The following SPO11 variants were observed in gnomAD, a reference collection of about 807,000 sequenced individuals.
The protein encoded by SPO11 is meiotic recombination protein SPO11.
Under a neutral mutation model 51.6 loss-of-function variants are expected in SPO11, and 49 were observed. The observed-to-expected ratio is 0.95, with a 90% CI of 0.75 to 1.20. The LOEUF is 1.20. Among genes scored for constraint, SPO11 ranks in the 50% most tolerant of loss-of-function variants. SPO11 has a pLI of 0.00. For missense variants in SPO11, 431 were observed against 473.4 expected, an observed-to-expected ratio of 0.91 and a Z score of 0.83; for synonymous variants, 176 against 158.2, an observed-to-expected ratio of 1.11 and a Z score of -0.84.
intron 9 of SPO11, among the ~76,000 whole-genome samples, chr20:57,338,697 G>A (rs28368091): frequency 8.6e-4 from 130 of 151,982 alleles, no homozygotes; most frequent in African/African-American, 3.0e-3. Context: ...TGCCCACCTC[G>A]GCATCCCAAA....
intron 5 of SPO11, 137 bp from the exon 6 acceptor site, chr20:57,334,613 C>G (rs2066489358): frequency 1.6e-6 from 1 of 612,084 alleles, no homozygotes; most frequent in Non-Finnish European, 2.8e-6. Flanking sequence ...AAATCCCTTA[C>G]ATATTTTCTC....
At chr20:57,333,106 G>A in intron 2 of SPO11, 82 bp from the exon 3 acceptor site, 1 of 994,518 alleles carries the variant, frequency 1.0e-6, no homozygotes, top group Non-Finnish European at 1.5e-6. Flanking sequence ...TAAATGATGT[G>A]CAGAAGACCA....
chr20:57,332,523 A>G (rs921937531), intron 2 of SPO11, among the ~76,000 whole-genome samples: 3 of 152,202 alleles, frequency 2.0e-5, no homozygotes, highest in African/African-American at 7.2e-5. Flanking sequence ...CATATTTTTT[A>G]AGAGATACAG....
intron 8 of SPO11, 89 bp downstream of exon 8, chr20:57,335,996 G>A: frequency 1.4e-6 from 1 of 725,852 alleles, no homozygotes; most frequent in Non-Finnish European, 2.3e-6. Flanking sequence ...TCTACACAAT[G>A]TCCTGTTTTC....
rs1174006468 is a variant in SPO11, at chr20:57,343,482, G to T, written c.*22G>T. On this transcript the variant is annotated 3_prime_UTR_variant, in exon 13 of 13. Coordinates refer to ENST00000371263, the MANE Select transcript of SPO11 (RefSeq NM_012444.3). ...ATAAAAATAAATCAGAAGAACTTCT[G>T]ATTGCCAGAGGCTTTTCATTAGTTT... 2 of 1,580,498 alleles carry T rather than the reference G, an allele frequency of 1.3e-6. No homozygotes were observed. The highest frequency in any genetic ancestry group is 1.2e-5 in the South Asian group (1 of 83,806).
At chr20:57,333,399 A>G (rs2066472835) in intron 3 of SPO11, 123 bp downstream of exon 3, 1 of 680,100 alleles carries the variant, frequency 1.5e-6, no homozygotes, top group Non-Finnish European at 2.4e-6. Flanking sequence ...CATACATAAA[A>G]TAAATTTCTA....
chr20:57,341,283 C>CT (rs2066578573), intron 11 of SPO11, among the ~76,000 whole-genome samples: 1 of 152,178 alleles, frequency 6.6e-6, no homozygotes, highest in African/African-American at 2.4e-5. Flanking sequence ...AACTAAATCT[C>CT]TATGCACATC....
intron 8 of SPO11, chr20:57,337,621 G>T (rs1361315227): frequency 1.7e-6 from 1 of 604,110 alleles, no homozygotes; most frequent in Non-Finnish European, 2.6e-6. Flanking sequence ...CTTTAAATAT[G>T]TAGGATGTTT....
chr20:57,333,616 C>T (rs6123690), intron 3 of SPO11, 71 bp from the exon 4 acceptor site: 1 of 852,068 alleles, frequency 1.2e-6, no homozygotes, highest in African/African-American at 1.7e-5. Context: ...AGTTAAAATC[C>T]TTGATAGCAG....
intron 10 of SPO11, among the ~76,000 whole-genome samples, 182 bp from the exon 11 acceptor site, chr20:57,339,920 C>T (rs531187679): frequency 6.6e-6 from 1 of 152,270 alleles, no homozygotes; most frequent in East Asian, 1.9e-4. Flanking sequence ...AGTTTTAACA[C>T]CTTCACTAAA....
At position 57,334,006 on chromosome 20, in the gene SPO11, A is replaced by G. The variant is rs1201043109; in HGVS notation, c.421A>G (p.Ser141Gly). 6.3e-7 allele frequency: 1 copy of G among 1,574,914 alleles called. No individual in the cohort carries two copies. Among genetic ancestry groups the G allele is most frequent in the African/African-American group, 1.4e-5 (1 of 73,384 alleles). The change falls in exon 5 of 13, where the codon AGT becomes GGT. Residue 141 changes from serine (S) to glycine (G), a missense_variant. Physicochemically the swap from Ser to Gly is moderately conservative, Grantham distance 56. Coordinates refer to ENST00000371263, the MANE Select transcript of SPO11 (RefSeq NM_012444.3). ...ATKRDIYYTD[S>G]QLFGNQTVVD... is the part of the protein sequence containing the mutation. ...TCATAGGGACATATATTACACTGAC[A>G]GTCAACTCTTTGGTAACCAGACTGT...
At chr20:57,335,671 T>A (rs1429624983) in intron 7 of SPO11, 127 bp from the exon 8 acceptor site, 1 of 698,374 alleles carries the variant, frequency 1.4e-6, no homozygotes, top group Non-Finnish European at 2.4e-6. Flanking sequence ...TGTGTTTATA[T>A]GTTTGAAGGT....
intron 9 of SPO11, among the ~76,000 whole-genome samples, 179 bp from the exon 10 acceptor site, chr20:57,338,810 A>G (rs1220980158): frequency 6.6e-6 from 1 of 152,200 alleles, no homozygotes; most frequent in South Asian, 2.1e-4. Context: ...TTACATTAAA[A>G]TTTGGTCTAT....
intron 8 of SPO11, among the ~76,000 whole-genome samples, chr20:57,337,953 T>C (rs2066533085): frequency 6.6e-6 from 1 of 152,188 alleles, no homozygotes; most frequent in South Asian, 2.1e-4. Context: ...AATGGCGTGA[T>C]TTCGGCTCAT....
rs2066471101 is a variant in SPO11, at chr20:57,333,293, T to C, written c.334+17T>C. 12 of 1,550,804 alleles carry C rather than the reference T, an allele frequency of 7.7e-6. No homozygotes were observed. Among genetic ancestry groups the C allele is most frequent in the Non-Finnish European group, 1.1e-5 (12 of 1,141,904 alleles). ...AAAAATTTTGTAAGTTAATTGTTCT[T>C]AGCTTTTGGTAATAAAGGATAAATA... On this transcript the variant is annotated intron_variant, in intron 3 of 12. Coordinates refer to ENST00000371263, the MANE Select transcript of SPO11 (RefSeq NM_012444.3).
rs1460763391 is a variant in SPO11 at position 57,329,918 on chromosome 20, C to T, written c.51C>T (p.Asp17=). 21 of 1,613,834 alleles carry T rather than the reference C, an allele frequency of 1.3e-5. No individual in the cohort carries two copies. The highest frequency in any genetic ancestry group is 1.6e-5 in the Non-Finnish European group (19 of 1,179,902). ...AGGCCTCGTTCTTCGACGTTTTGGA[C>T]CGACACAGGGAGTCCCTGCTGGCTG... ...GPEASFFDVL[D]RHRESLLAAL... Residue 17 remains aspartate, a synonymous_variant, in exon 1 of 13, where the codon GAC becomes GAT. Coordinates refer to ENST00000371263, the MANE Select transcript of SPO11 (RefSeq NM_012444.3).
intron 11 of SPO11, among the ~76,000 whole-genome samples, chr20:57,340,636 G>A (rs961261684): frequency 1.3e-5 from 2 of 151,856 alleles, no homozygotes; most frequent in Non-Finnish European, 2.9e-5. Context: ...TGGTGGTGGT[G>A]TATGCCTGTA....
Position 57,335,404 on chromosome 20 carries a change from C to CTT in SPO11, c.598-7_598-6dup. ...TTTTGCTTTTTATGTAAGATAAAAA[C>CTT]TTTTTTTTTAAAAGGCTGTTGCTGT... On this transcript the variant is annotated splice_polypyrimidine_tract_variant and intron_variant, in intron 6 of 12. Transcript: ENST00000371263. 2 of 1,588,744 alleles carry CTT rather than the reference C, an allele frequency of 1.3e-6. No individual in the cohort carries two copies. Among genetic ancestry groups the CTT allele is most frequent in the African/African-American group, 1.4e-5 (1 of 73,598 alleles).
chr20:57,337,772 G>A (rs745605702), intron 8 of SPO11: 2 of 1,307,996 alleles, frequency 1.5e-6, no homozygotes, highest in South Asian at 1.2e-5. Flanking sequence ...GAAATCCAAG[G>A]TAGGAAGATG....
Sources: gnomAD v4.1 joint callset for allele counts (sites outside exome capture counted in the v4.1 genomes callset) on GRCh38, gnomAD v4.1.1 for gene constraint, MANE v1.5 for transcripts, NCBI Gene and HGNC (gene_info 2026-07-23, HGNC 2026-07-21) for gene names.